The following ARHGAP15 variants were observed in gnomAD, a reference collection of about 807,000 sequenced individuals.
ARHGAP15 encodes the protein rho GTPase-activating protein 15.
Under a neutral mutation model 63.7 loss-of-function variants are expected in ARHGAP15, and 51 were observed. The observed-to-expected ratio is 0.80, with a 90% CI of 0.64 to 1.01. The LOEUF (loss-of-function observed/expected upper bound fraction) is 1.01. ARHGAP15 is among the 50% of genes least tolerant of loss of function. ARHGAP15 has a pLI of 0.00. For synonymous variants in ARHGAP15, 191 were observed against 193.8 expected (o/e 0.99, Z 0.12); for missense variants, 560 against 564.6 (o/e 0.99, Z 0.08).
chr2:143,765,109 A>ATATG (rs1686903069), intron 13 of ARHGAP15, among the ~76,000 whole-genome samples: 1 of 147,518 alleles, frequency 6.8e-6, no homozygotes, highest in African/African-American at 2.5e-5. Flanking sequence ...CCTCTAAAAT[A>ATATG]TGTGTGTGTG....
intron 12 of ARHGAP15, among the ~76,000 whole-genome samples, chr2:143,663,180 C>G (rs1253754346): frequency 7.9e-6 from 1 of 126,422 alleles, no homozygotes; most frequent in Non-Finnish European, 1.7e-5. Context: ...GTCGGGTTAC[C>G]CTCAAAGGGA....
At chr2:143,640,899 C>T (rs943873482) in intron 12 of ARHGAP15, 4 of 152,172 alleles carry the variant, frequency 2.6e-5, no homozygotes, top group Non-Finnish European at 4.4e-5. Context: ...CAAATTCCTA[C>T]TTCATCGCTC....
intron 11 of ARHGAP15, among the ~76,000 whole-genome samples, chr2:143,595,792 G>A (rs1340792464): frequency 6.6e-6 from 1 of 151,778 alleles, no homozygotes; most frequent in Non-Finnish European, 1.5e-5. Context: ...TTTTTTCTTT[G>A]TCCCTTATTC....
chr2:143,331,408 T>G (rs1264969914), intron 6 of ARHGAP15, among the ~76,000 whole-genome samples: 2 of 152,156 alleles, frequency 1.3e-5, no homozygotes, highest in Non-Finnish European at 2.9e-5. Flanking sequence ...ACATATTTGT[T>G]TATTTCTGTC....
chr2:143,287,844 C>T (rs1281402803), intron 6 of ARHGAP15, among the ~76,000 whole-genome samples: 2 of 152,076 alleles, frequency 1.3e-5, no homozygotes, highest in African/African-American at 4.8e-5. Flanking sequence ...GAGACTTCTG[C>T]TCTGTGGGTC....
intron 6 of ARHGAP15, among the ~76,000 whole-genome samples, chr2:143,372,302 C>G (rs1686595752): frequency 1.4e-5 from 2 of 145,584 alleles, no homozygotes; most frequent in African/African-American, 2.5e-5. Flanking sequence ...GTGATGGTGT[C>G]TCTGCATTCC....
chr2:143,574,205 G>A (rs965335259), intron 11 of ARHGAP15, among the ~76,000 whole-genome samples: 43 of 152,034 alleles, frequency 2.8e-4, no homozygotes, highest in African/African-American at 9.2e-4. Context: ...GAATCATCTC[G>A]TCAAAAATCT....
chr2:143,654,525 T>C (rs1681333391), intron 12 of ARHGAP15, among the ~76,000 whole-genome samples: 1 of 152,230 alleles, frequency 6.6e-6, no homozygotes, highest in South Asian at 2.1e-4. Flanking sequence ...AATCTTTTGG[T>C]ATTAATTTTT....
At chr2:143,610,395 C>G (rs548459435) in intron 11 of ARHGAP15, among the ~76,000 whole-genome samples, 1 of 152,262 alleles carries the variant, frequency 6.6e-6, no homozygotes, top group African/African-American at 2.4e-5. Context: ...TAAACTTTAA[C>G]TGAGATTCAT....
At chr2:143,425,016 G>A (rs1689083530) in intron 6 of ARHGAP15, among the ~76,000 whole-genome samples, 1 of 152,048 alleles carries the variant, frequency 6.6e-6, no homozygotes, top group Non-Finnish European at 1.5e-5. Context: ...TATTAACAGT[G>A]CCTTTTGCCT....
intron 6 of ARHGAP15, among the ~76,000 whole-genome samples, chr2:143,379,577 T>A (rs1217934494): frequency 6.8e-6 from 1 of 146,176 alleles, no homozygotes; most frequent in Non-Finnish European, 1.5e-5. Flanking sequence ...GTTTACACAA[T>A]TCTCTCTTTA....
chr2:143,463,540 T>TGGGG (rs1040101849), intron 8 of ARHGAP15, among the ~76,000 whole-genome samples: 1 of 5,092 alleles, frequency 2.0e-4, no homozygotes, highest in Non-Finnish European at 3.9e-4. Context: ...AACTCCATCT[T>TGGGG]GGGGGGTGGG....
chr2:143,261,662 A>T (rs1680732455), intron 6 of ARHGAP15, among the ~76,000 whole-genome samples: 2 of 151,990 alleles, frequency 1.3e-5, no homozygotes, highest in Admixed American at 6.6e-5. Context: ...CTTTTCGTTC[A>T]TAGGAATCTA....
At chr2:143,508,646 A>G (rs1693431390) in intron 9 of ARHGAP15, among the ~76,000 whole-genome samples, 2 of 152,196 alleles carry the variant, frequency 1.3e-5, no homozygotes, top group Non-Finnish European at 1.5e-5. Context: ...GTTGCTTTAG[A>G]TAAGCAGAGG....
chr2:143,134,379 C>T (rs1373893596), intron 1 of ARHGAP15, among the ~76,000 whole-genome samples: 1 of 152,166 alleles, frequency 6.6e-6, no homozygotes, highest in African/African-American at 2.4e-5. Context: ...CCAAGCTTTG[C>T]AGGTTTTGCC....
chr2:143,265,758 T>C (rs775042146), intron 6 of ARHGAP15, among the ~76,000 whole-genome samples: 81 of 152,158 alleles, frequency 5.3e-4, no homozygotes, highest in African/African-American at 1.9e-3. Flanking sequence ...CTTCCCAAAA[T>C]ATATAAACAA....
intron 13 of ARHGAP15, among the ~76,000 whole-genome samples, chr2:143,743,737 C>T (rs1686053982): frequency 6.6e-6 from 1 of 151,994 alleles, no homozygotes; most frequent in African/African-American, 2.4e-5. Context: ...AGAAGAATGC[C>T]AGCAAAACAT....
At chr2:143,492,106 T>C (rs1692606479) in intron 9 of ARHGAP15, among the ~76,000 whole-genome samples, 1 of 152,146 alleles carries the variant, frequency 6.6e-6, no homozygotes, top group African/African-American at 2.4e-5. Context: ...GGTCTTGAAC[T>C]CCTGAGCTAA....
intron 4 of ARHGAP15, among the ~76,000 whole-genome samples, chr2:143,223,464 T>C (rs770698724): frequency 1.3e-5 from 2 of 152,138 alleles, no homozygotes; most frequent in Non-Finnish European, 2.9e-5. Flanking sequence ...CTTTAGTCTA[T>C]CCAACACCTT....
Sources: gnomAD v4.1 joint callset for allele counts (sites outside exome capture counted in the v4.1 genomes callset) on GRCh38, gnomAD v4.1.1 for gene constraint, MANE v1.5 for transcripts, NCBI Gene and HGNC (gene_info 2026-07-23, HGNC 2026-07-21) for gene names.